The following TENM2 variants were observed in gnomAD, a reference collection of about 807,000 sequenced individuals.
TENM2 encodes teneurin transmembrane protein 2.
TENM2 carries 52 observed loss-of-function variants against 245.2 expected under a neutral mutation model. That is an observed-to-expected ratio of 0.21 (90% CI 0.17 to 0.27). The LOEUF (loss-of-function observed/expected upper bound fraction) is 0.27. Among genes scored for constraint, TENM2 ranks in the 10% least tolerant of loss-of-function variants. TENM2 has a pLI of 1.00. For synonymous variants in TENM2, 1,363 were observed against 1,438.9 expected, an observed-to-expected ratio of 0.95 and a Z score of 1.19; for missense variants, 3,046 against 3,666.8, an observed-to-expected ratio of 0.83 and a Z score of 4.37.
At chr5:167,726,602 G>T (rs1378963764) in intron 2 of TENM2, among the ~76,000 whole-genome samples, 1 of 152,122 alleles carries the variant, frequency 6.6e-6, no homozygotes, top group Non-Finnish European at 1.5e-5. Flanking sequence ...GGGACTACAG[G>T]CATGCACCAC....
chr5:167,267,073 AT>A, the TENM2 span, among the ~76,000 whole-genome samples: 1 of 152,134 alleles, frequency 6.6e-6, no homozygotes, highest in African/African-American at 2.4e-5. Flanking sequence ...CTAAAGTTGT[AT>A]TTGAGTCACC....
At chr5:167,612,176 C>A (rs1430063190) in intron 2 of TENM2, among the ~76,000 whole-genome samples, 1 of 152,030 alleles carries the variant, frequency 6.6e-6, no homozygotes, top group Non-Finnish European at 1.5e-5. Flanking sequence ...CTTTTGCCCA[C>A]CACAACCCCC....
At chr5:167,613,530 G>T (rs1427559440) in intron 2 of TENM2, among the ~76,000 whole-genome samples, 4 of 152,102 alleles carry the variant, frequency 2.6e-5, no homozygotes, top group African/African-American at 9.7e-5. Context: ...TTGTTCATCT[G>T]TAAAGGTTGG....
the TENM2 span, among the ~76,000 whole-genome samples, chr5:167,014,109 C>T: frequency 4.8e-5 from 7 of 145,764 alleles, no homozygotes; most frequent in South Asian, 2.2e-4. Context: ...GATTACTTAA[C>T]GGCATTTGCT....
chr5:167,641,190 A>G (rs901484333), intron 2 of TENM2, among the ~76,000 whole-genome samples: 1 of 152,048 alleles, frequency 6.6e-6, no homozygotes, highest in African/African-American at 2.4e-5. Flanking sequence ...ATAGAAGTTC[A>G]TTGCAAAACC....
chr5:167,091,811 C>A, the TENM2 span, among the ~76,000 whole-genome samples: 1 of 152,034 alleles, frequency 6.6e-6, no homozygotes, highest in Non-Finnish European at 1.5e-5. Flanking sequence ...TGTCTAACAA[C>A]CAAGTAGAAA....
the TENM2 span, among the ~76,000 whole-genome samples, chr5:167,168,604 G>A: frequency 6.6e-6 from 1 of 152,180 alleles, no homozygotes; most frequent in African/African-American, 2.4e-5. Flanking sequence ...ATAAGGCTTT[G>A]TGCGTTGTTT....
chr5:167,928,636 G>A (rs1449357691), intron 3 of TENM2, among the ~76,000 whole-genome samples: 1 of 152,070 alleles, frequency 6.6e-6, no homozygotes, highest in African/African-American at 2.4e-5. Context: ...GCTCACACCT[G>A]TAATCCCAGC....
chr5:167,809,537 A>C (rs78005956), intron 2 of TENM2, among the ~76,000 whole-genome samples: 3 of 152,146 alleles, frequency 2.0e-5, no homozygotes, highest in Admixed American at 1.3e-4. Flanking sequence ...TTGTGTTGTG[A>C]TCCCAAATGG....
intron 4 of TENM2, among the ~76,000 whole-genome samples, chr5:167,974,775 A>T (rs1208080306): frequency 1.3e-5 from 2 of 152,144 alleles, no homozygotes; most frequent in Non-Finnish European, 2.9e-5. Context: ...CGCCCCATCC[A>T]GCCTCCTAGA....
At chr5:168,075,638 C>T (rs1029048674) in intron 7 of TENM2, among the ~76,000 whole-genome samples, 1 of 152,198 alleles carries the variant, frequency 6.6e-6, no homozygotes. Context: ...CTTGTGTCTG[C>T]CTTCTTTCAC....
At chr5:167,686,592 T>G (rs1291398340) in intron 2 of TENM2, among the ~76,000 whole-genome samples, 1 of 152,200 alleles carries the variant, frequency 6.6e-6, no homozygotes, top group Admixed American at 6.5e-5. Context: ...TGTGTTTCTA[T>G]GGTAACCCCA....
At chr5:167,702,552 GTATA>G (rs374895330) in intron 2 of TENM2, among the ~76,000 whole-genome samples, 9 of 136,778 alleles carry the variant, frequency 6.6e-5, no homozygotes, top group Non-Finnish European at 1.2e-4. Flanking sequence ...GTGTGTGTGT[GTATA>G]TATATATATA....
chr5:167,935,231 C>T (rs1305477435), intron 3 of TENM2, among the ~76,000 whole-genome samples: 2 of 152,188 alleles, frequency 1.3e-5, no homozygotes, highest in Non-Finnish European at 2.9e-5. Flanking sequence ...ACACTTCTCA[C>T]ATGTTGTCCT....
Position 167,880,389 on chromosome 5 carries a change from A to G in TENM2, c.712+4194A>G, listed in dbSNP as rs1773783051. ...TAATTAGATGATACAATAAAGGTAA[A>G]GGAAAAATTTAAGGGAGAAAGTATA... On this transcript the variant is annotated intron_variant, in intron 3 of 28. Transcript: ENST00000518659. Among the ~76,000 whole-genome samples, 3 of 152,310 alleles carry G rather than the reference A, an allele frequency of 2.0e-5. No individual in the cohort carries two copies. The South Asian group carries it at 6.2e-4, about 32-fold the overall frequency.
chr5:168,100,182 G>T (rs1472320007), intron 9 of TENM2, among the ~76,000 whole-genome samples: 3 of 152,184 alleles, frequency 2.0e-5, no homozygotes, highest in Non-Finnish European at 4.4e-5. Flanking sequence ...ACCACAATGA[G>T]ATACCGTCTC....
chr5:168,127,736 G>A (rs1562193815), intron 12 of TENM2, among the ~76,000 whole-genome samples: 1 of 152,166 alleles, frequency 6.6e-6, no homozygotes, highest in Non-Finnish European at 1.5e-5. Context: ...GGATGACAAA[G>A]TTGTCAACTT....
the TENM2 span, among the ~76,000 whole-genome samples, chr5:167,236,808 T>G: frequency 6.6e-6 from 1 of 151,910 alleles, no homozygotes; most frequent in African/African-American, 2.4e-5. Context: ...ATATATTCTT[T>G]CTTTCTGTTC....
intron 1 of TENM2, among the ~76,000 whole-genome samples, chr5:167,286,463 G>GA (rs1177822000): frequency 6.6e-6 from 1 of 151,688 alleles, no homozygotes; most frequent in African/African-American, 2.4e-5. Flanking sequence ...GTGGCAATTG[G>GA]AAAAAAAATA....
Sources: gnomAD v4.1 joint callset for allele counts (sites outside exome capture counted in the v4.1 genomes callset) on GRCh38, gnomAD v4.1.1 for gene constraint, MANE v1.5 for transcripts, NCBI Gene and HGNC (gene_info 2026-07-23, HGNC 2026-07-21) for gene names.